The following RUSC2 variants were observed in gnomAD, a reference collection of about 807,000 sequenced individuals.
RUSC2 encodes RUN and SH3 domain containing 2, also known as AP-4 complex accessory subunit RUSC2.
A neutral mutation model predicts 122.2 loss-of-function variants in RUSC2; 34 were observed. The ratio of observed to expected loss-of-function variants is 0.28; its 90% CI spans 0.21 to 0.37. The LOEUF is 0.37. Among genes scored for constraint, RUSC2 ranks in the 10% least tolerant of loss-of-function variants. RUSC2 has a pLI of 1.00. For synonymous variants in RUSC2, 784 were observed against 790.0 expected (o/e 0.99, Z 0.13); for missense variants, 1,747 against 1,952.4 (o/e 0.89, Z 1.98).
Position 35,546,622 on chromosome 9 carries a change from G to A in RUSC2, c.101G>A (p.Gly34Asp), listed in dbSNP as rs1821749456. 1 of 1,562,940 alleles carries A rather than the reference G, an allele frequency of 6.4e-7. No individual in the cohort carries two copies. The highest frequency in any genetic ancestry group is 8.7e-7 in the Non-Finnish European group (1 of 1,155,940). The stretch of plus-strand genomic sequence containing the variant: ...GACAGGCAGTGCTGTGGAGGGGCAG[G>A]TGGAGGTGGTGGGAGCACAAGACCT... ...VPDRQCCGGA[G>D]GGGGSTRPNP... The change falls in exon 2 of 12, where the codon GGT becomes GAT. Residue 34 changes from glycine to aspartate, a missense_variant. Coordinates refer to ENST00000361226, the MANE Select transcript of RUSC2 (RefSeq NM_014806.5). This position sits in a 1 kb window ranked among gnomAD's most constrained non-coding sequence, Gnocchi z 4.3.
At position 35,560,618 on chromosome 9, in the gene RUSC2, G is replaced by C. The variant is rs370641058; in HGVS notation, c.3978G>C (p.Glu1326Asp). 9 of 1,608,698 alleles carry C rather than the reference G, an allele frequency of 5.6e-6. No homozygotes were observed. Among genetic ancestry groups the C allele is most frequent in the Non-Finnish European group, 3.4e-6 (4 of 1,177,696 alleles). ...GAGAGGGAGTAGTGGAGGGGGCTGA[G>C]GCCTGCCCTGCCTCTGAGGAGGCCC... The part of the protein sequence containing the change: ...PPREGVVEGA[E>D]ACPASEEALG... The change falls in exon 10 of 12, where the codon GAG (glutamate) becomes GAC (aspartate). Residue 1326 changes from glutamate (E) to aspartate (D), a missense_variant. Coordinates refer to ENST00000361226, the MANE Select transcript of RUSC2 (RefSeq NM_014806.5).
Position 35,548,407 on chromosome 9 carries a change from A to T in RUSC2, c.1886A>T (p.Glu629Val). ...TQVCQGPHSS[E>V]MPPAGLRATG... Reference sequence around the variant, plus strand: ...GTCTGTCAGGGACCCCACTCCAGTGAGATGCCTCCTGCTGGCCTCAGAGCT... The same window carrying T: ...GTCTGTCAGGGACCCCACTCCAGTGTGATGCCTCCTGCTGGCCTCAGAGCT... Residue 629 changes from glutamate to valine, a missense_variant, in exon 2 of 12, where the codon GAG (glutamate) becomes GTG (valine). Transcript: ENST00000361226. This position sits in a 1 kb window ranked among gnomAD's most constrained non-coding sequence, Gnocchi z 4.5. The T allele has an allele frequency of 6.2e-7, 1 of 1,614,056 alleles. No homozygotes were observed. The highest frequency in any genetic ancestry group is 1.1e-5 in the South Asian group (1 of 91,090).
chr9:35,559,840 GC>G (rs1207904491), intron 9 of RUSC2, among the ~76,000 whole-genome samples, 188 bp from the exon 10 acceptor site: 2 of 152,208 alleles, frequency 1.3e-5, no homozygotes, highest in Admixed American at 6.5e-5. Context: ...CAGGGCCACC[GC>G]CTGGGGTTGG....
rs758112916 is a variant in RUSC2 at position 35,548,169 on chromosome 9, G to A, written c.1648G>A (p.Gly550Ser). The change falls in exon 2 of 12, where the codon GGC (glycine) becomes AGC (serine). Residue 550 changes from glycine (G) to serine (S), a missense_variant. Transcript: ENST00000361226. This position sits in a 1 kb window ranked among gnomAD's most constrained non-coding sequence, Gnocchi z 4.5. Reference sequence around the variant, plus strand: ...CACCTCCTTTGCCGAGCTGGCCAAGGGCCGGAAGAAAACTGGAGGCTCTGG... The same window carrying A: ...CACCTCCTTTGCCGAGCTGGCCAAGAGCCGGAAGAAAACTGGAGGCTCTGG... The part of the protein sequence containing the change: ...RVTSFAELAK[G>S]RKKTGGSGSP... 1 of 1,613,334 alleles carries A rather than the reference G, an allele frequency of 6.2e-7. No individual in the cohort carries two copies. Among genetic ancestry groups the A allele is most frequent in the Admixed American group, 1.7e-5 (1 of 60,026 alleles).
chr9:35,492,508 T>C (rs1298105457), intron 1 of RUSC2, among the ~76,000 whole-genome samples: 3 of 151,546 alleles, frequency 2.0e-5, no homozygotes, highest in Non-Finnish European at 4.4e-5. Flanking sequence ...GCATTTAATA[T>C]AATTTTTGTC....
intron 1 of RUSC2, among the ~76,000 whole-genome samples, chr9:35,534,481 TTTAC>T (rs1326146180): frequency 1.3e-5 from 2 of 151,442 alleles, no homozygotes; most frequent in African/African-American, 4.9e-5. Context: ...TTTTTATTTA[TTTAC>T]TTATTTATTT....
intron 1 of RUSC2, among the ~76,000 whole-genome samples, chr9:35,540,926 C>T (rs1167565766): frequency 1.3e-5 from 2 of 152,124 alleles, no homozygotes; most frequent in African/African-American, 4.8e-5. Flanking sequence ...CTTTGGTTTT[C>T]TCATCTTTAC....
chr9:35,548,088 C>A lies in RUSC2; in HGVS notation c.1567C>A (p.Arg523Ser), dbSNP rs763673201. Residue 523 changes from arginine (R) to serine (S), a missense_variant, in exon 2 of 12, where the codon CGC becomes AGC. Arg to Ser is a moderately radical substitution (Grantham distance 110). Transcript: ENST00000361226. The surrounding 1 kb of genome is among the most constrained non-coding windows in gnomAD (Gnocchi z 4.5). ...SLERMLSCPV[R>S]LSEGPAAMAG... ...GGAACGTATGTTGAGTTGCCCAGTGCGCTTGAGTGAGGGCCCTGCAGCCAT... is the reference window on the plus strand; with the variant it reads ...GGAACGTATGTTGAGTTGCCCAGTGAGCTTGAGTGAGGGCCCTGCAGCCAT... 6.2e-7 allele frequency: 1 copy of A among 1,613,184 alleles called. No individual in the cohort carries two copies. The highest frequency in any genetic ancestry group is 1.7e-5 in the Admixed American group (1 of 60,032).
At position 35,555,924 on chromosome 9, in the gene RUSC2, T is replaced by A; in HGVS notation, c.2657-28T>A. ...TCTCGCTGTCTCCTGCCAACTCTTG[T>A]CTTTCTGCTAATCTGTTCTGCTTCC... On this transcript the variant is annotated intron_variant, in intron 3 of 11. Transcript: ENST00000361226. This position sits in a 1 kb window ranked among gnomAD's most constrained non-coding sequence, Gnocchi z 4.6. The A allele has an allele frequency of 6.2e-7, 1 of 1,603,808 alleles. No individual in the cohort carries two copies. Among genetic ancestry groups the A allele is most frequent in the Non-Finnish European group, 8.5e-7 (1 of 1,173,040 alleles).
At chr9:35,503,654 C>T (rs1022677363) in intron 1 of RUSC2, among the ~76,000 whole-genome samples, 3 of 152,064 alleles carry the variant, frequency 2.0e-5, no homozygotes, top group Admixed American at 2.0e-4. Flanking sequence ...GGTAGTTGTA[C>T]TTTCAGTTCT....
intron 1 of RUSC2, among the ~76,000 whole-genome samples, chr9:35,516,022 A>AAAAAAAAAAAAAAAAAGAAAG (rs1554724501): frequency 7.9e-6 from 1 of 127,116 alleles, no homozygotes; most frequent in Non-Finnish European, 1.6e-5. Flanking sequence ...AAAAAAAAAA[A>AAAAAAAAAAAAAAAAAGAAAG]AGAGAAATGC....
intron 2 of RUSC2, among the ~76,000 whole-genome samples, chr9:35,554,062 C>T (rs906725340): frequency 6.6e-6 from 1 of 152,170 alleles, no homozygotes; most frequent in Non-Finnish European, 1.5e-5. Flanking sequence ...GAACTAATTC[C>T]CGCCTCGCAG....
rs1257827897 is a variant in RUSC2 at position 35,548,217 on chromosome 9, G to T, written c.1696G>T (p.Val566Phe). The T allele has an allele frequency of 6.2e-7, 1 of 1,613,296 alleles. No homozygotes were observed. Among genetic ancestry groups the T allele is most frequent in the Admixed American group, 1.7e-5 (1 of 59,990 alleles). The change falls in exon 2 of 12, where the codon GTT (valine) becomes TTT (phenylalanine). Residue 566 changes from valine (V) to phenylalanine (F), a missense_variant. By Grantham distance (50) the Val-to-Phe change is conservative. Coordinates refer to ENST00000361226, the MANE Select transcript of RUSC2 (RefSeq NM_014806.5). This position sits in a 1 kb window ranked among gnomAD's most constrained non-coding sequence, Gnocchi z 4.5. ...TGGCTCGCCCCCACTTCGTGTGAGT[G>T]TTGGGGACTCCTCCCAGGAGTTCTC... ...GSGSPPLRVS[V>F]GDSSQEFSPI...
chr9:35,540,610 G>A (rs1821624034), intron 1 of RUSC2, among the ~76,000 whole-genome samples: 1 of 152,186 alleles, frequency 6.6e-6, no homozygotes, highest in Admixed American at 6.5e-5. Context: ...AACTGGGGCA[G>A]GAGGTGGGAT....
intron 1 of RUSC2, among the ~76,000 whole-genome samples, chr9:35,541,486 G>A (rs938787559): frequency 1.7e-4 from 25 of 151,032 alleles, no homozygotes; most frequent in South Asian, 2.1e-4. Context: ...TCGCTTTGTC[G>A]CCCAGGCTGG....
chr9:35,536,311 C>T (rs1475839494), intron 1 of RUSC2, among the ~76,000 whole-genome samples: 3 of 152,174 alleles, frequency 2.0e-5, no homozygotes, highest in African/African-American at 2.4e-5. Flanking sequence ...ACCACTGGTT[C>T]GGAGAACAGA....
chr9:35,544,307 CTTTTTTTT>C (rs55870659), intron 1 of RUSC2, among the ~76,000 whole-genome samples: 4 of 113,116 alleles, frequency 3.5e-5, no homozygotes, highest in Non-Finnish European at 6.8e-5. Flanking sequence ...GATCATATGT[CTTTTTTTT>C]TTTTTTTTTT....
At position 35,497,672 on chromosome 9, in the gene RUSC2, ATAT is replaced by A. The variant is rs200713637; in HGVS notation, c.-93+7506_-93+7508del. 8.8e-3 allele frequency among the ~76,000 whole-genome samples: 1,336 copies of A among 152,264 alleles called. 19 individuals are homozygous for A. Among genetic ancestry groups the A allele is most frequent in the African/African-American group, 0.03 (1,242 of 41,556 alleles). ...TTAACTGCAGACATTAAAGACATTG[ATAT>A]TATTAATGATATGCACACTCATGTC... On this transcript the variant is annotated intron_variant, in intron 1 of 11. Coordinates refer to ENST00000361226, the MANE Select transcript of RUSC2 (RefSeq NM_014806.5).
chr9:35,560,759 G>A lies in RUSC2; in HGVS notation c.4119G>A (p.Glu1373=). 1 of 1,540,734 alleles carries A rather than the reference G, an allele frequency of 6.5e-7. No homozygotes were observed. The highest frequency in any genetic ancestry group is 1.4e-5 in the African/African-American group (1 of 72,700). Residue 1373 remains glutamate, a synonymous_variant, in exon 10 of 12, where the codon GAG becomes GAA. Transcript: ENST00000361226. ...CCGCTGCCTCGCCAGCAGAAAATGAGGAAGGGGCCTCAGAGCCTTCACCTG... is the reference window on the plus strand; with the variant it reads ...CCGCTGCCTCGCCAGCAGAAAATGAAGAAGGGGCCTCAGAGCCTTCACCTG... ...EGPAASPAEN[E]EGASEPSPGG...
Sources: gnomAD v4.1 joint callset for allele counts (sites outside exome capture counted in the v4.1 genomes callset) on GRCh38, gnomAD v4.1.1 for gene constraint, Gnocchi (gnomAD v3.1) non-coding constraint, MANE v1.5 for transcripts, NCBI Gene and HGNC (gene_info 2026-07-23, HGNC 2026-07-21) for gene names.